Variants in SOX6 observed in about 807,000 individuals in gnomAD.
SOX6 encodes transcription factor SOX-6.
SOX6 carries 11 observed loss-of-function variants against 97.8 expected under a neutral mutation model. The observed-to-expected ratio is 0.11, with a 90% CI of 0.07 to 0.19. The LOEUF (loss-of-function observed/expected upper bound fraction) is 0.19. Among genes scored for constraint, SOX6 ranks in the 10% least tolerant of loss-of-function variants. The probability of loss-of-function intolerance (pLI) is 1.00; values close to 1 mark genes in which losing one functional copy is unlikely to be tolerated. For missense variants in SOX6, 810 were observed against 1,039.5 expected (o/e 0.78, Z 3.04); for synonymous variants, 360 against 371.4 (o/e 0.97, Z 0.35).
chr11:16,661,321 T>G (rs1045740573), intron 3 of SOX6, among the ~76,000 whole-genome samples: 1 of 152,166 alleles, frequency 6.6e-6, no homozygotes, highest in African/African-American at 2.4e-5. Flanking sequence ...TACTTTTAAT[T>G]TTTCTGTGTC....
At chr11:16,673,051 G>A (rs1048961444) in intron 3 of SOX6, among the ~76,000 whole-genome samples, 7 of 152,096 alleles carry the variant, frequency 4.6e-5, no homozygotes, top group Admixed American at 2.6e-4. Flanking sequence ...CAGCTTGAGC[G>A]ACAGAGCAAG....
intron 1 of SOX6, among the ~76,000 whole-genome samples, chr11:16,382,889 C>T (rs148617099): frequency 5.1e-4 from 77 of 151,682 alleles, no homozygotes; most frequent in African/African-American, 1.4e-3. Flanking sequence ...AGCTCTTAAC[C>T]GCAACTTAAT....
intron 1 of SOX6, among the ~76,000 whole-genome samples, chr11:16,429,631 A>T (rs1859228378): frequency 1.3e-5 from 2 of 152,280 alleles, no homozygotes; most frequent in African/African-American, 4.8e-5. Flanking sequence ...AATGATGAAA[A>T]CACATGGACA....
chr11:16,336,416 C>T (rs890129596), intron 2 of SOX6, among the ~76,000 whole-genome samples: 1 of 152,122 alleles, frequency 6.6e-6, no homozygotes, highest in African/African-American at 2.4e-5. Flanking sequence ...TTACTTAAAA[C>T]GTTGTCTCCA....
At chr11:16,229,587 A>T (rs1266325125) in intron 4 of SOX6, among the ~76,000 whole-genome samples, 1 of 151,830 alleles carries the variant, frequency 6.6e-6, no homozygotes, top group Non-Finnish European at 1.5e-5. Context: ...TAAATATGGG[A>T]TCTATAACAG....
chr11:16,583,640 C>CATATATATATATATATATATACATATAT (rs1342015213), intron 4 of SOX6, among the ~76,000 whole-genome samples: 1 of 92,808 alleles, frequency 1.1e-5, no homozygotes, highest in Non-Finnish European at 2.5e-5. Context: ...TATATATACA[C>CATATATATATATATATATATACATATAT]ATACACACAC....
rs80252403 is a variant in SOX6, at chr11:16,402,471, G to A, written c.-4-61219C>T. ...CATCATTGGTCCTTCTGGGAGTTCAGGAAGAAGGCTTAAATCACATTTCCT... is the reference window on the plus strand; with the variant it reads ...CATCATTGGTCCTTCTGGGAGTTCAAGAAGAAGGCTTAAATCACATTTCCT... On this transcript the variant is annotated intron_variant, in intron 1 of 15. Transcript: ENST00000396356. Among the ~76,000 whole-genome samples, 326 of 151,722 alleles carry A rather than the reference G, an allele frequency of 2.1e-3. 4 individuals are homozygous for A. In the East Asian group the frequency reaches 0.046, roughly 21 times the overall value.
At chr11:16,571,040 T>C (rs913302180) in intron 4 of SOX6, among the ~76,000 whole-genome samples, 4 of 152,232 alleles carry the variant, frequency 2.6e-5, no homozygotes, top group African/African-American at 7.2e-5. Flanking sequence ...AAATATTTAA[T>C]CTACTTGAAC....
rs960506171 is a variant in SOX6 at position 16,183,839 on chromosome 11, G to A, written c.777+47C>T. The A allele has an allele frequency of 5.8e-6, 9 of 1,563,688 alleles. No individual in the cohort carries two copies. The South Asian group carries it at 7.8e-5, about 14-fold the overall frequency. ...GAGTTTTAAATTCCATTTTCAAGGA[G>A]GAAAGTATCTAAGTATAATCAGACG... On this transcript the variant is annotated intron_variant, in intron 6 of 15. Coordinates refer to ENST00000683767, the MANE Select transcript of SOX6 (RefSeq NM_001367873.1).
At chr11:16,148,104 C>A (rs887177629) in intron 6 of SOX6, among the ~76,000 whole-genome samples, 1 of 152,134 alleles carries the variant, frequency 6.6e-6, no homozygotes, top group Non-Finnish European at 1.5e-5. Flanking sequence ...CCTGAGCCTG[C>A]CTTTTAGCTG....
chr11:15,989,244 G>A lies in SOX6; in HGVS notation c.1733-14C>T, dbSNP rs1700122827. 3 of 1,578,280 alleles carry A rather than the reference G, an allele frequency of 1.9e-6. No homozygotes were observed. The highest frequency in any genetic ancestry group is 2.6e-6 in the Non-Finnish European group (3 of 1,155,674). ...TTGCTTTACTTCCTGTAATGTCAGG[G>A]CAGGAAGAACAAGATGAGTGGAAAG... On this transcript the variant is annotated splice_polypyrimidine_tract_variant and intron_variant, in intron 13 of 15. Transcript: ENST00000683767.
At chr11:16,301,927 C>A (rs1855271616) in intron 3 of SOX6, among the ~76,000 whole-genome samples, 1 of 152,094 alleles carries the variant, frequency 6.6e-6, no homozygotes, top group Non-Finnish European at 1.5e-5. Flanking sequence ...TAAATGCAAA[C>A]CTTTTCCCCA....
chr11:16,094,895 G>T (rs1848761910), intron 9 of SOX6, among the ~76,000 whole-genome samples: 1 of 151,734 alleles, frequency 6.6e-6, no homozygotes. Context: ...CTTCCAAGGG[G>T]GTCTTTGGTC....
intron 6 of SOX6, among the ~76,000 whole-genome samples, chr11:16,138,637 T>C (rs1390268571): frequency 6.6e-6 from 1 of 152,104 alleles, no homozygotes; most frequent in Non-Finnish European, 1.5e-5. Context: ...GCCATGTTGG[T>C]GTGCTGCACC....
intron 9 of SOX6, among the ~76,000 whole-genome samples, chr11:16,066,692 A>C (rs1792390133): frequency 6.6e-6 from 1 of 152,202 alleles, no homozygotes; most frequent in Non-Finnish European, 1.5e-5. Context: ...GGATCTAAAA[A>C]TCAAAACAAT....
At chr11:16,712,745 AT>A (rs1379751418) in intron 3 of SOX6, among the ~76,000 whole-genome samples, 1 of 152,138 alleles carries the variant, frequency 6.6e-6, no homozygotes, top group East Asian at 1.9e-4. Flanking sequence ...TTTGTTCCTT[AT>A]GGCACTTACT....
At chr11:16,445,320 TC>T (rs985463788) in intron 1 of SOX6, among the ~76,000 whole-genome samples, 36 of 152,158 alleles carry the variant, frequency 2.4e-4, no homozygotes, top group Non-Finnish European at 1.5e-5. Context: ...ATTACTGTTC[TC>T]CTTCATCTCC....
intron 4 of SOX6, among the ~76,000 whole-genome samples, chr11:16,588,565 C>T (rs769040182): frequency 2.6e-5 from 4 of 152,076 alleles, no homozygotes; most frequent in Non-Finnish European, 5.9e-5. Context: ...ACAAAGAGCC[C>T]CAGACACTCA....
intron 6 of SOX6, among the ~76,000 whole-genome samples, chr11:16,161,655 A>T (rs1850753427): frequency 6.6e-6 from 1 of 152,166 alleles, no homozygotes; most frequent in African/African-American, 2.4e-5. Context: ...GCTGCTCCTC[A>T]TAGTCAAGTC....
Sources: allele counts gnomAD v4.1 joint callset (sites outside exome capture counted in the v4.1 genomes callset), GRCh38; gene constraint gnomAD v4.1.1; transcripts MANE v1.5; gene names NCBI Gene and HGNC (gene_info 2026-07-23, HGNC 2026-07-21).